The following SDK1 variants were observed in gnomAD, a reference collection of about 807,000 sequenced individuals.
SDK1 encodes the protein protein sidekick-1.
SDK1 carries 157 observed loss-of-function variants against 245.5 expected under a neutral mutation model. That is an observed-to-expected ratio of 0.64 (90% CI 0.56 to 0.73). SDK1 has a LOEUF of 0.73. SDK1 is among the 30% of genes least tolerant of loss of function. SDK1 has a pLI of 0.00. For missense variants in SDK1, 3,583 were observed against 3,002.3 expected (o/e 1.19, Z -4.52); for synonymous variants, 1,647 against 1,278.5 (o/e 1.29, Z -6.15).
chr7:3,374,836 C>T (rs1781314027), intron 1 of SDK1, among the ~76,000 whole-genome samples: 1 of 152,074 alleles, frequency 6.6e-6, no homozygotes, highest in Non-Finnish European at 1.5e-5. Flanking sequence ...TTGTTATGCC[C>T]ATTATTTCAG....
chr7:3,739,592 A>G (rs959795845), intron 4 of SDK1, among the ~76,000 whole-genome samples: 3 of 152,066 alleles, frequency 2.0e-5, no homozygotes, highest in African/African-American at 7.2e-5. Context: ...TTTATTTGTT[A>G]TTTTACCTTT....
intron 40 of SDK1, among the ~76,000 whole-genome samples, chr7:4,222,092 A>G (rs1785179274): frequency 6.6e-6 from 1 of 152,212 alleles, no homozygotes; most frequent in African/African-American, 2.4e-5. Context: ...GACGCTATTC[A>G]GGAAGCAAAC....
rs183024987 is a variant in SDK1, at chr7:3,647,576, G to A, written c.713+5471G>A. ...AGAGCACCTGGGATTACAGGCGTGC[G>A]CCACTATGCCTGGCTATTTTTTTTT... On this transcript the variant is annotated intron_variant, in intron 4 of 44. Transcript: ENST00000404826. Among the ~76,000 whole-genome samples, 423 of 152,146 alleles carry A rather than the reference G, an allele frequency of 2.8e-3. 1 individual carries two copies. Among genetic ancestry groups the A allele is most frequent in the Admixed American group, 8.2e-3 (125 of 15,276 alleles).
At chr7:4,053,622 T>A (rs1409404289) in intron 19 of SDK1, among the ~76,000 whole-genome samples, 1 of 152,108 alleles carries the variant, frequency 6.6e-6, no homozygotes, top group Admixed American at 6.5e-5. Context: ...GAACGCCTTA[T>A]GTTCTCCTTG....
intron 1 of SDK1, among the ~76,000 whole-genome samples, chr7:3,430,055 G>C (rs944246993): frequency 1.3e-5 from 2 of 152,218 alleles, no homozygotes; most frequent in African/African-American, 4.8e-5. Flanking sequence ...GGGAATGGTG[G>C]AACTCTGCCT....
intron 1 of SDK1, among the ~76,000 whole-genome samples, chr7:3,522,875 G>C (rs1782989228): frequency 1.3e-5 from 1 of 77,014 alleles, no homozygotes; most frequent in African/African-American, 5.4e-5. Context: ...GCCAGCCTTT[G>C]TCTGCGGAGA....
chr7:4,207,999 G>A (rs1784320000), intron 36 of SDK1, 100 bp from the exon 37 acceptor site: 3 of 873,762 alleles, frequency 3.4e-6, no homozygotes, highest in South Asian at 1.6e-5. Flanking sequence ...GCTCGCCCCA[G>A]AACTCAGCTC....
chr7:4,261,319 C>A (rs1007712977), intron 44 of SDK1, among the ~76,000 whole-genome samples: 6 of 152,138 alleles, frequency 3.9e-5, no homozygotes, highest in African/African-American at 1.4e-4. Flanking sequence ...CACCCAGGGA[C>A]GCTTTTGTTT....
intron 7 of SDK1, chr7:3,957,904 A>T (rs1277476806): frequency 8.7e-6 from 4 of 461,898 alleles, no homozygotes; most frequent in South Asian, 4.8e-5. Context: ...ATTCAGGCAG[A>T]TTCTTTCTGC....
At chr7:3,566,941 T>C (rs1015619944) in intron 1 of SDK1, among the ~76,000 whole-genome samples, 2 of 152,104 alleles carry the variant, frequency 1.3e-5, no homozygotes, top group African/African-American at 4.8e-5. Flanking sequence ...TGTGTGAACA[T>C]AGGAATTGTC....
chr7:3,910,646 C>T (rs10242592), intron 5 of SDK1, among the ~76,000 whole-genome samples: 3 of 151,994 alleles, frequency 2.0e-5, no homozygotes, highest in South Asian at 2.1e-4. Flanking sequence ...GCCCAGGCTC[C>T]GGTGATTGAC....
chr7:3,371,787 C>G (rs1169653742), intron 1 of SDK1, among the ~76,000 whole-genome samples: 1 of 152,164 alleles, frequency 6.6e-6, no homozygotes, highest in Non-Finnish European at 1.5e-5. Context: ...CTGAAGTCAT[C>G]TGGAAAACCA....
At chr7:3,472,510 C>A (rs1021765908) in intron 1 of SDK1, among the ~76,000 whole-genome samples, 1 of 152,082 alleles carries the variant, frequency 6.6e-6, no homozygotes, top group African/African-American at 2.4e-5. Flanking sequence ...TTTAAAAGAA[C>A]AAATTTATGA....
chr7:3,980,211 C>G (rs375072461), intron 13 of SDK1, among the ~76,000 whole-genome samples: 2 of 152,340 alleles, frequency 1.3e-5, no homozygotes, highest in African/African-American at 4.8e-5. Flanking sequence ...GCCACAATTT[C>G]ACCAATTGCT....
At chr7:3,823,716 T>C (rs76193231) in intron 5 of SDK1, among the ~76,000 whole-genome samples, 2,680 of 152,294 alleles carry the variant, frequency 0.018, 86 homozygotes, top group African/African-American at 0.06. Flanking sequence ...GGTAAAAATG[T>C]GTAAAAAGTG....
chr7:3,804,347 C>T (rs7776844), intron 4 of SDK1, among the ~76,000 whole-genome samples: 21,933 of 152,110 alleles, frequency 0.14, 3,278 homozygotes, highest in African/African-American at 0.38. Context: ...AAAAAGACTT[C>T]CCTTCCTTCA....
chr7:4,246,539 T>C (rs890626116), intron 44 of SDK1, among the ~76,000 whole-genome samples: 1 of 152,140 alleles, frequency 6.6e-6, no homozygotes, highest in Non-Finnish European at 1.5e-5. Context: ...CTTTACCAGA[T>C]AGGAGCTTCC....
chr7:4,228,608 C>T (rs965711042), intron 40 of SDK1, among the ~76,000 whole-genome samples: 3 of 152,298 alleles, frequency 2.0e-5, no homozygotes, highest in East Asian at 3.9e-4. Context: ...GGTGCAATCT[C>T]GGCTCACTGC....
chr7:3,625,052 T>A (rs1782071580), intron 2 of SDK1, among the ~76,000 whole-genome samples: 1 of 152,040 alleles, frequency 6.6e-6, no homozygotes, highest in Admixed American at 6.6e-5. Flanking sequence ...AAATAAAAAT[T>A]AAATTATATA....
Sources: gnomAD v4.1 joint callset for allele counts (sites outside exome capture counted in the v4.1 genomes callset) on GRCh38, gnomAD v4.1.1 for gene constraint, MANE v1.5 for transcripts, NCBI Gene and HGNC (gene_info 2026-07-23, HGNC 2026-07-21) for gene names.